The following PDE6B variants were observed in gnomAD, a reference collection of about 807,000 sequenced individuals.
PDE6B encodes phosphodiesterase 6B, also known as rod cGMP-specific 3',5'-cyclic phosphodiesterase subunit beta.
A neutral mutation model predicts 109.0 loss-of-function variants in PDE6B; 106 were observed. The observed-to-expected ratio is 0.97, with a 90% CI of 0.83 to 1.14. PDE6B has a LOEUF of 1.14. Among genes scored for constraint, PDE6B ranks in the 50% most tolerant of loss-of-function variants. The pLI is 0.00. For synonymous variants in PDE6B, 490 were observed against 471.3 expected (o/e 1.04, Z -0.51); for missense variants, 1,193 against 1,155.6 (o/e 1.03, Z -0.47).
At chr4:653,419 G>C (rs1381294741) in intron 3 of PDE6B, 1 of 885,186 alleles carries the variant, frequency 1.1e-6, no homozygotes, top group Non-Finnish European at 1.5e-6. Flanking sequence ...GAGTGCGTCA[G>C]CAATGCTTCA....
In PDE6B at chr4:665,255, G is replaced by A. The variant is rs1737662890; in HGVS notation, c.2194G>A (p.Val732Ile). The change falls in exon 19 of 22, where the codon GTC (valine) becomes ATC (isoleucine). Residue 732 changes from valine to isoleucine, a missense_variant and splice_region_variant. Transcript: ENST00000496514. This position sits in a 1 kb window ranked among gnomAD's most constrained non-coding sequence, Gnocchi z 4.0. The stretch of plus-strand genomic sequence containing the variant: ...GACAGCTGCCTTCCTGTGCCTCCAG[G>A]TCGCACTTCTCGTGGCTGCTGAGTT... ...ITKPWEVQSK[V>I]ALLVAAEFWE... 4.3e-6 allele frequency: 7 copies of A among 1,610,804 alleles called. No individual in the cohort carries two copies. Among genetic ancestry groups the A allele is most frequent in the Non-Finnish European group, 5.9e-6 (7 of 1,177,756 alleles).
At position 667,167 on chromosome 4, in the gene PDE6B, C is replaced by T. The variant is rs192773387; in HGVS notation, c.2352+553C>T. 1.1e-3 allele frequency among the ~76,000 whole-genome samples: 173 copies of T among 152,288 alleles called. 8 individuals are homozygous for T. The East Asian group carries it at 0.024, about 21-fold the overall frequency. ...GAGACTCGATGGGGCAGGGGTCTGA[C>T]CGTGGGGCCCTGTGTGATGCCCATA... On this transcript the variant is annotated intron_variant, in intron 20 of 21. Coordinates refer to ENST00000496514, the MANE Select transcript of PDE6B (RefSeq NM_000283.4).
chr4:653,878 G>A lies in PDE6B; in HGVS notation c.738G>A (p.Val246=). Residue 246 remains valine (V), a synonymous_variant, in exon 4 of 22, where the codon GTG becomes GTA. Transcript: ENST00000496514. ...GQVLLWSANK[V]FEELTDIERQ... is the part of the protein sequence containing the mutation. ...TGCTGCTGTGGTCGGCCAACAAGGTGTTTGAGGAGCTGACGGACATCGAGA... is the reference window on the plus strand; with the variant it reads ...TGCTGCTGTGGTCGGCCAACAAGGTATTTGAGGAGCTGACGGACATCGAGA... 1 of 1,613,854 alleles carries A rather than the reference G, an allele frequency of 6.2e-7. No individual in the cohort carries two copies. Among genetic ancestry groups the A allele is most frequent in the Non-Finnish European group, 8.5e-7 (1 of 1,180,028 alleles).
At position 658,560 on chromosome 4, in the gene PDE6B, G is replaced by A. The variant is rs73219282; in HGVS notation, c.1402-392G>A. ...CCAGGGGTCACAGCTCTCTCTGTGT[G>A]GTGGGGACACGGCCCTGGGGCCAGA... On this transcript the variant is annotated intron_variant, in intron 10 of 21. Coordinates refer to ENST00000496514, the MANE Select transcript of PDE6B (RefSeq NM_000283.4). 1.8e-3 allele frequency among the ~76,000 whole-genome samples: 268 copies of A among 152,224 alleles called. 1 individual carries two copies. The highest frequency in any genetic ancestry group is 3.4e-3 in the Non-Finnish European group (233 of 67,982).
chr4:667,724 C>T, intron 20 of PDE6B, 132 bp from the exon 21 acceptor site: 1 of 917,578 alleles, frequency 1.1e-6, no homozygotes, highest in African/African-American at 1.6e-5. Context: ...TGGGAAGGTG[C>T]CCCCTCCGTG....
In PDE6B at chr4:653,874, A is replaced by G; in HGVS notation, c.734A>G (p.Lys245Arg). 1.2e-6 allele frequency: 2 copies of G among 1,613,724 alleles called. No homozygotes were observed. Among genetic ancestry groups the G allele is most frequent in the Non-Finnish European group, 1.7e-6 (2 of 1,179,998 alleles). The change falls in exon 4 of 22, where the codon AAG becomes AGG. Residue 245 changes from lysine to arginine, a missense_variant. Physicochemically the swap from Lys to Arg is conservative, Grantham distance 26. Coordinates refer to ENST00000496514, the MANE Select transcript of PDE6B (RefSeq NM_000283.4). Reference protein sequence around the residue: ...RGQVLLWSANKVFEELTDIER... With the variant: ...RGQVLLWSANRVFEELTDIER... Reference sequence around the variant, plus strand: ...CAGGTGCTGCTGTGGTCGGCCAACAAGGTGTTTGAGGAGCTGACGGACATC... The same window carrying G: ...CAGGTGCTGCTGTGGTCGGCCAACAGGGTGTTTGAGGAGCTGACGGACATC...
At chr4:654,913 C>G (rs34524643) in intron 6 of PDE6B, 25 bp downstream of exon 6, 2 of 1,353,814 alleles carry the variant, frequency 1.5e-6, no homozygotes, top group Non-Finnish European at 2.1e-6. Flanking sequence ...TTACCAGAAG[C>G]GTCCCCGGGG....
intron 3 of PDE6B, chr4:653,235 A>T (rs908970636): frequency 6.2e-5 from 63 of 1,008,796 alleles, no homozygotes; most frequent in Non-Finnish European, 7.2e-5. Context: ...GGCCGCCGCG[A>T]GTGTGAGGAG....
chr4:659,781 C>T (rs937703781), intron 11 of PDE6B, among the ~76,000 whole-genome samples: 4 of 152,042 alleles, frequency 2.6e-5, no homozygotes, highest in Non-Finnish European at 5.9e-5. Context: ...CATGTGTGTG[C>T]ACATGGATAT....
intron 12 of PDE6B, chr4:661,114 A>G: frequency 6.4e-6 from 1 of 156,452 alleles, no homozygotes; most frequent in Admixed American, 6.2e-5. Context: ...TGGGTGGATG[A>G]GTGATAGATG....
chr4:630,895 C>G (rs1431497673), intron 1 of PDE6B, among the ~76,000 whole-genome samples: 1 of 152,130 alleles, frequency 6.6e-6, no homozygotes, highest in African/African-American at 2.4e-5. Flanking sequence ...CCTGGAAGGA[C>G]CAGGGAGTGA....
At chr4:646,490 C>T (rs1171409250) in intron 3 of PDE6B, among the ~76,000 whole-genome samples, 4 of 151,956 alleles carry the variant, frequency 2.6e-5, no homozygotes, top group African/African-American at 9.7e-5. Flanking sequence ...ATCCTAGACG[C>T]GCGGTTTGGT....
chr4:651,726 CG>C (rs1340254057), intron 3 of PDE6B: 2 of 150,178 alleles, frequency 1.3e-5, no homozygotes, highest in Admixed American at 1.3e-4. Context: ...CAGCAGGCGC[CG>C]GGGCTATGGG....
intron 3 of PDE6B, among the ~76,000 whole-genome samples, chr4:642,903 GAACA>G (rs1735016069): frequency 1.3e-5 from 2 of 151,860 alleles, no homozygotes; most frequent in South Asian, 4.2e-4. Flanking sequence ...TGTATTTTTT[GAACA>G]AATTGTGAAC....
chr4:637,716 G>A (rs1012944241), intron 3 of PDE6B, among the ~76,000 whole-genome samples: 10 of 152,350 alleles, frequency 6.6e-5, no homozygotes, highest in South Asian at 4.1e-4. Flanking sequence ...AGAGGCAGCC[G>A]TGCTCTGCCA....
rs879840563 is a variant in PDE6B, at chr4:665,193, G to A, written c.2194-62G>A. On this transcript the variant is annotated intron_variant, in intron 18 of 21. Transcript: ENST00000496514. The surrounding 1 kb of genome is among the most constrained non-coding windows in gnomAD (Gnocchi z 4.0). ...ACCGAGGCTCGGAGCCTCACGGGGC[G>A]GGCCCGGGCCCTTCCGCGTGGGCTC... The A allele has an allele frequency of 2.3e-4, 289 of 1,252,066 alleles. No individual in the cohort carries two copies. The highest frequency in any genetic ancestry group is 3.0e-4 in the Non-Finnish European group (256 of 864,818). The allele number at this position is 1,252,066 out of a possible 1,614,324, so 77.6% of individuals were successfully genotyped here. A position where few individuals can be genotyped will look rare whatever the true frequency, so the allele number is the denominator to read the frequency against.
At position 665,451 on chromosome 4, in the gene PDE6B, A is replaced by T. The variant is rs1308028614; in HGVS notation, c.2268+122A>T. The T allele has an allele frequency of 8.2e-6, 6 of 730,494 alleles. No homozygotes were observed. Among genetic ancestry groups the T allele is most frequent in the Non-Finnish European group, 1.3e-5 (5 of 399,674 alleles). The allele number at this position is 730,494 out of a possible 1,614,324, so 45.3% of individuals were successfully genotyped here. A position where few individuals can be genotyped will look rare whatever the true frequency, so the allele number is the denominator to read the frequency against. ...GGGGTTCTGAGGTCGTGGGGTCCTT[A>T]TCTCACTTTGTGGGATCATGTGACA... On this transcript the variant is annotated intron_variant, in intron 19 of 21. Transcript: ENST00000496514. This position sits in a 1 kb window ranked among gnomAD's most constrained non-coding sequence, Gnocchi z 4.0.
In PDE6B at chr4:636,526, G is replaced by A. The variant is rs998491035; in HGVS notation, c.711+557G>A. On this transcript the variant is annotated intron_variant, in intron 3 of 21. Coordinates refer to ENST00000496514, the MANE Select transcript of PDE6B (RefSeq NM_000283.4). This position sits in a 1 kb window ranked among gnomAD's most constrained non-coding sequence, Gnocchi z 4.5. Reference sequence around the variant, plus strand: ...GACCTCCAGGGCAGGTGGTCCTCCCGTCTGAGACCCTGGCTCAGGGGAGAC... The same window carrying A: ...GACCTCCAGGGCAGGTGGTCCTCCCATCTGAGACCCTGGCTCAGGGGAGAC... 3.3e-5 allele frequency among the ~76,000 whole-genome samples: 5 copies of A among 152,052 alleles called. No homozygotes were observed. The highest frequency in any genetic ancestry group is 1.9e-4 in the East Asian group (1 of 5,154).
At chr4:639,148 GTT>G in intron 3 of PDE6B, among the ~76,000 whole-genome samples, 1 of 147,352 alleles carries the variant, frequency 6.8e-6, no homozygotes, top group African/African-American at 2.5e-5. Context: ...TTTGGGGGGT[GTT>G]TTTTTTTTTC....
Sources: gnomAD v4.1 joint callset for allele counts (sites outside exome capture counted in the v4.1 genomes callset) on GRCh38, gnomAD v4.1.1 for gene constraint, Gnocchi (gnomAD v3.1) non-coding constraint, MANE v1.5 for transcripts, NCBI Gene and HGNC (gene_info 2026-07-23, HGNC 2026-07-21) for gene names.